MEGF10: variants seen among roughly 807,000 people sequenced by gnomAD.
The protein encoded by MEGF10 is multiple EGF like domains 10, also known as multiple epidermal growth factor-like domains protein 10.
A neutral mutation model predicts 147.5 loss-of-function variants in MEGF10; 86 were observed. The observed-to-expected ratio is 0.58, with a 90% CI of 0.49 to 0.70. MEGF10 has a LOEUF of 0.70. Among genes scored for constraint, MEGF10 ranks in the 30% least tolerant of loss-of-function variants. The pLI is 0.00. For synonymous variants in MEGF10, 478 were observed against 525.5 expected, an observed-to-expected ratio of 0.91 and a Z score of 1.24; for missense variants, 1,329 against 1,487.3, an observed-to-expected ratio of 0.89 and a Z score of 1.75.
Position 127,449,109 on chromosome 5 carries a change from A to G in MEGF10, c.2867A>G (p.Asn956Ser). Residue 956 changes from asparagine to serine, a missense_variant, in exon 22 of 25, where the codon AAT (asparagine) becomes AGT (serine). Physicochemically the swap from Asn to Ser is conservative, Grantham distance 46. Transcript: ENST00000503335. Reference sequence around the variant, plus strand: ...TTATATTTTTAACAGTCAAAAAACAATCAACTGTTTGTGAATCTTAAAAAT... The same window carrying G: ...TTATATTTTTAACAGTCAAAAAACAGTCAACTGTTTGTGAATCTTAAAAAT... Reference protein sequence around the residue: ...DRMTVTKSKNNQLFVNLKNVN... With the variant: ...DRMTVTKSKNSQLFVNLKNVN... 6.2e-7 allele frequency: 1 copy of G among 1,614,120 alleles called. No homozygotes were observed. The highest frequency in any genetic ancestry group is 1.1e-5 in the South Asian group (1 of 91,076).
At chr5:127,241,488 C>T in the MEGF10 span, among the ~76,000 whole-genome samples, 21 of 152,046 alleles carry the variant, frequency 1.4e-4, no homozygotes, top group Non-Finnish European at 3.1e-4. Context: ...TGAGCCTAAA[C>T]TGGGGTTTGG....
At chr5:127,261,353 C>T in the MEGF10 span, among the ~76,000 whole-genome samples, 1 of 152,134 alleles carries the variant, frequency 6.6e-6, no homozygotes, top group African/African-American at 2.4e-5. Context: ...TAGAATCTTA[C>T]AATAAGTGGC....
At chr5:127,257,350 T>A in the MEGF10 span, among the ~76,000 whole-genome samples, 1 of 150,196 alleles carries the variant, frequency 6.7e-6, no homozygotes, top group Non-Finnish European at 1.5e-5. Context: ...ATAAGGAAAT[T>A]CCAGAGAGAA....
At chr5:127,337,674 T>G (rs1761520033) in intron 2 of MEGF10, among the ~76,000 whole-genome samples, 1 of 152,066 alleles carries the variant, frequency 6.6e-6, no homozygotes, top group Non-Finnish European at 1.5e-5. Context: ...TAACATTTGT[T>G]GGAGGTAGAA....
intron 1 of MEGF10, among the ~76,000 whole-genome samples, chr5:127,319,024 C>A (rs957374315): frequency 2.0e-5 from 3 of 147,142 alleles, no homozygotes; most frequent in Non-Finnish European, 3.0e-5. Flanking sequence ...TCTTTCATTA[C>A]CTCCCTCCCT....
intron 16 of MEGF10, among the ~76,000 whole-genome samples, chr5:127,436,734 A>G (rs894116287): frequency 2.6e-5 from 4 of 152,236 alleles, no homozygotes; most frequent in Non-Finnish European, 5.9e-5. Context: ...GCCTGTCCCA[A>G]TAATCACTCC....
Position 127,435,796 on chromosome 5 carries a change from T to G in MEGF10, c.2104+307T>G, listed in dbSNP as rs185496018. ...AAGCAAAAACAGCTGTATTGAGAAA[T>G]CTATCTCTTCATTTTGTGTTTATCT... On this transcript the variant is annotated intron_variant, in intron 16 of 24. Coordinates refer to ENST00000503335, the MANE Select transcript of MEGF10 (RefSeq NM_001256545.2). Among the ~76,000 whole-genome samples, 329 of 152,288 alleles carry G rather than the reference T, an allele frequency of 2.2e-3. 3 individuals carry two copies. The highest frequency in any genetic ancestry group is 0.01 in the Middle Eastern group (3 of 294).
At chr5:127,280,702 G>T in the MEGF10 span, among the ~76,000 whole-genome samples, 1 of 152,230 alleles carries the variant, frequency 6.6e-6, no homozygotes, top group South Asian at 2.1e-4. Context: ...CTGGATCCCT[G>T]ATTGCTGACA....
In MEGF10 at chr5:127,449,210, C is replaced by T. The variant is rs750829562; in HGVS notation, c.2968C>T (p.Leu990Phe). Residue 990 changes from leucine (L) to phenylalanine (F), a missense_variant, in exon 22 of 25, where the codon CTC (leucine) becomes TTC (phenylalanine). Around this residue, in one of 3 missense-constraint regions of MEGF10, gnomAD observed 343 missense variants for 377.9 expected, o/e 0.91. Coordinates refer to ENST00000503335, the MANE Select transcript of MEGF10 (RefSeq NM_001256545.2). ...GGCTGACTGGAAACATGGCGGCTACCTCAACGAGCTCGGTGAGTTCTCCCA... is the reference window on the plus strand; with the variant it reads ...GGCTGACTGGAAACATGGCGGCTACTTCAACGAGCTCGGTGAGTTCTCCCA... ...LPADWKHGGY[L>F]NELGAFGLDR... The T allele has an allele frequency of 4.3e-6, 7 of 1,613,206 alleles. No individual in the cohort carries two copies. In the African/African-American group the frequency reaches 9.3e-5, roughly 22 times the overall value.
intron 1 of MEGF10, among the ~76,000 whole-genome samples, chr5:127,305,609 TA>T (rs922172017): frequency 2.6e-5 from 4 of 151,616 alleles, no homozygotes; most frequent in African/African-American, 7.3e-5. Context: ...CTTCCGCCAT[TA>T]AAAAAAACAA....
rs373071782 is a variant in MEGF10 at position 127,430,465 on chromosome 5, T to C, written c.1694-2898T>C. Among the ~76,000 whole-genome samples the C allele has an allele frequency of 2.0e-5, 3 of 152,266 alleles. 1 individual carries two copies. The highest frequency in any genetic ancestry group is 6.5e-5 in the Admixed American group (1 of 15,296). ...TACATGGAAGTCACATCAGCAGTCATATACCTGGTGCGACTTAGAGAAACA... is the reference window on the plus strand; with the variant it reads ...TACATGGAAGTCACATCAGCAGTCACATACCTGGTGCGACTTAGAGAAACA... On this transcript the variant is annotated intron_variant, in intron 13 of 24. Coordinates refer to ENST00000503335, the MANE Select transcript of MEGF10 (RefSeq NM_001256545.2).
chr5:127,420,570 A>G (rs1764959374), intron 12 of MEGF10, among the ~76,000 whole-genome samples: 1 of 151,974 alleles, frequency 6.6e-6, no homozygotes. Flanking sequence ...CCCTGCCTTT[A>G]TGGTAGAAAG....
At chr5:127,453,178 C>A (rs2127040919) in intron 22 of MEGF10, among the ~76,000 whole-genome samples, 1 of 152,350 alleles carries the variant, frequency 6.6e-6, no homozygotes, top group South Asian at 2.1e-4. Context: ...CTAGTTGTTA[C>A]TTTACTCTCT....
rs538473623 is a variant in MEGF10, at chr5:127,377,020, T to G, written c.412+7018T>G. On this transcript the variant is annotated intron_variant, in intron 5 of 24. Coordinates refer to ENST00000503335, the MANE Select transcript of MEGF10 (RefSeq NM_001256545.2). ...ACCGGACGATTATGAAAACAAACCC[T>G]CTGAGAGACGTTGAGGGCCCATTAA... is the stretch of plus-strand genomic sequence containing the variant. 7.2e-5 allele frequency among the ~76,000 whole-genome samples: 11 copies of G among 152,248 alleles called. No individual in the cohort carries two copies. The South Asian group carries it at 1.7e-3, about 23-fold the overall frequency.
intron 21 of MEGF10, among the ~76,000 whole-genome samples, chr5:127,448,487 A>G (rs902583798): frequency 6.6e-6 from 1 of 152,174 alleles, no homozygotes; most frequent in Non-Finnish European, 1.5e-5. Flanking sequence ...TACCCAAATT[A>G]TATTTCTAAT....
chr5:127,391,091 C>CGTGT (rs1763649673), intron 5 of MEGF10, among the ~76,000 whole-genome samples: 1 of 23,730 alleles, frequency 4.2e-5, no homozygotes, highest in Non-Finnish European at 1.6e-4. Context: ...CACACATGCG[C>CGTGT]GCGCGCGCGC....
At chr5:127,346,305 C>T (rs919135165) in intron 4 of MEGF10, among the ~76,000 whole-genome samples, 3 of 152,132 alleles carry the variant, frequency 2.0e-5, no homozygotes, top group African/African-American at 7.2e-5. Context: ...AGTGGTTGTA[C>T]TAGTTTATGT....
chr5:127,412,471 G>A (rs1229414014), intron 9 of MEGF10, among the ~76,000 whole-genome samples: 1 of 152,120 alleles, frequency 6.6e-6, no homozygotes, highest in East Asian at 1.9e-4. Flanking sequence ...GTTCACATTA[G>A]CATTTATCAA....
intron 13 of MEGF10, among the ~76,000 whole-genome samples, chr5:127,430,753 T>A (rs1309774555): frequency 2.0e-5 from 3 of 152,152 alleles, no homozygotes; most frequent in Non-Finnish European, 4.4e-5. Context: ...ACTCCACACC[T>A]TTCCCTGGAA....
Sources: gnomAD v4.1 joint callset for allele counts (sites outside exome capture counted in the v4.1 genomes callset) on GRCh38, gnomAD v4.1.1 for gene constraint, gnomAD v4.1.1 regional missense constraint, MANE v1.5 for transcripts, NCBI Gene and HGNC (gene_info 2026-07-23, HGNC 2026-07-21) for gene names.